The following ABCC4 variants were observed in gnomAD, a reference collection of about 807,000 sequenced individuals.
The protein encoded by ABCC4 is ATP binding cassette subfamily C member 4 (PEL blood group).
In ABCC4, 102 loss-of-function variants were observed where a neutral mutation model predicts 168.5. The observed-to-expected ratio is 0.61, with a 90% confidence interval of 0.52 to 0.71. The LOEUF (loss-of-function observed/expected upper bound fraction) is 0.71, where lower values mean the gene tolerates loss of function less well. Among genes scored for constraint, ABCC4 ranks in the 30% least tolerant of loss-of-function variants. The probability of loss-of-function intolerance (pLI) is 0.00; values close to 1 mark genes in which losing one functional copy is unlikely to be tolerated. For missense variants in ABCC4, 1,402 were observed against 1,605.8 expected (o/e 0.87, Z 2.17); for synonymous variants, 617 against 590.7 (o/e 1.04, Z -0.65).
chr13:95,100,249 T>C (rs1189077310), intron 20 of ABCC4, among the ~76,000 whole-genome samples: 1 of 152,194 alleles, frequency 6.6e-6, no homozygotes, highest in Non-Finnish European at 1.5e-5. Flanking sequence ...CCAGACTTGA[T>C]AAAAATGAGA....
intron 20 of ABCC4, among the ~76,000 whole-genome samples, chr13:95,107,150 G>A (rs375534202): frequency 2.0e-5 from 3 of 151,984 alleles, no homozygotes; most frequent in South Asian, 2.1e-4. Context: ...CCAGCTACCC[G>A]GGAGGCTGAG....
Position 95,112,080 on chromosome 13 carries a change from C to T in ABCC4, c.2535+3842G>A, listed in dbSNP as rs549008917. Among the ~76,000 whole-genome samples, 10 of 152,282 alleles carry T rather than the reference C, an allele frequency of 6.6e-5. No individual in the cohort carries two copies. The East Asian group carries it at 1.9e-3, about 29-fold the overall frequency. On this transcript the variant is annotated intron_variant, in intron 20 of 30. Transcript: ENST00000645237. ...TAAAAAGGTCACATGAGGCCAGGTG[C>T]AGTGGCTCATGCCTGTAATCCCACC... is the stretch of plus-strand genomic sequence containing the variant.
intron 19 of ABCC4, among the ~76,000 whole-genome samples, chr13:95,143,109 G>A (rs2036374327): frequency 6.6e-6 from 1 of 152,134 alleles, no homozygotes; most frequent in Admixed American, 6.6e-5. Context: ...AGGCTCACAA[G>A]CTCTGAGCCC....
intron 3 of ABCC4, among the ~76,000 whole-genome samples, chr13:95,245,501 C>T (rs1357428529): frequency 6.6e-6 from 1 of 152,196 alleles, no homozygotes; most frequent in Admixed American, 6.5e-5. Context: ...CATGTGGAAA[C>T]ACTATCGCTG....
At chr13:95,208,351 AGC>A (rs2038845290) in intron 6 of ABCC4, among the ~76,000 whole-genome samples, 1 of 142,672 alleles carries the variant, frequency 7.0e-6, no homozygotes, top group Non-Finnish European at 1.5e-5. Context: ...AAAAAAAAAA[AGC>A]TTCAGAGGAC....
At chr13:95,212,287 G>A (rs1398685925) in intron 4 of ABCC4, among the ~76,000 whole-genome samples, 2 of 152,034 alleles carry the variant, frequency 1.3e-5, no homozygotes, top group African/African-American at 4.8e-5. Context: ...AGAGAGACCA[G>A]CCCGCCCCTG....
At chr13:95,170,322 C>A in intron 14 of ABCC4, 1 of 427,318 alleles carries the variant, frequency 2.3e-6, no homozygotes. Context: ...TTTTCTTTAA[C>A]AATGTAGTAA....
At chr13:95,174,076 A>G (rs908152393) in intron 13 of ABCC4, among the ~76,000 whole-genome samples, 5 of 152,220 alleles carry the variant, frequency 3.3e-5, no homozygotes, top group African/African-American at 1.2e-4. Context: ...AGTGTGGGAG[A>G]TCTGATTAGG....
chr13:95,207,783 T>C lies in ABCC4; in HGVS notation c.911+17A>G, dbSNP rs906450606. On this transcript the variant is annotated intron_variant, in intron 7 of 30. Transcript: ENST00000645237. ...AGAAAAATACAAAAATATGGTACAATGTATACAAAAACTTACTTTCTCAAA... is the reference window on the plus strand; with the variant it reads ...AGAAAAATACAAAAATATGGTACAACGTATACAAAAACTTACTTTCTCAAA... The C allele has an allele frequency of 1.2e-5, 19 of 1,607,276 alleles. No individual in the cohort carries two copies. The highest frequency in any genetic ancestry group is 2.2e-5 in the East Asian group (1 of 44,854).
At chr13:95,068,730 A>T (rs2033630797) in intron 25 of ABCC4, among the ~76,000 whole-genome samples, 1 of 152,244 alleles carries the variant, frequency 6.6e-6, no homozygotes, top group South Asian at 2.1e-4. Context: ...GAACGATATC[A>T]ATGTGGGGAT....
Position 95,126,796 on chromosome 13 carries a change from T to TTATA in ABCC4, c.2456-10799_2456-10796dup, listed in dbSNP as rs1409364017. Among the ~76,000 whole-genome samples the TTATA allele has an allele frequency of 1.7e-3, 239 of 141,786 alleles. 3 individuals are homozygous for TTATA. Among genetic ancestry groups the TTATA allele is most frequent in the Non-Finnish European group, 3.3e-3 (218 of 65,916 alleles). The allele number at this position is 141,786 out of a possible 152,430, so 93.0% of individuals were successfully genotyped here. A position where few individuals can be genotyped will look rare whatever the true frequency, so the allele number is the denominator to read the frequency against. On this transcript the variant is annotated intron_variant, in intron 19 of 30. Coordinates refer to ENST00000645237, the MANE Select transcript of ABCC4 (RefSeq NM_005845.5). ...ATTTAAGTACACCAAATATATATAT[T>TTATA]TATATATATTTAAGTACACCATATA... is the stretch of plus-strand genomic sequence containing the variant.
At chr13:95,112,638 C>G (rs967446371) in intron 20 of ABCC4, among the ~76,000 whole-genome samples, 2 of 152,180 alleles carry the variant, frequency 1.3e-5, no homozygotes, top group African/African-American at 4.8e-5. Flanking sequence ...GTCGATCAGT[C>G]AGCTAGATAA....
chr13:95,104,783 G>A (rs2034941777), intron 20 of ABCC4, among the ~76,000 whole-genome samples: 1 of 152,202 alleles, frequency 6.6e-6, no homozygotes, highest in Non-Finnish European at 1.5e-5. Flanking sequence ...AGAGAATGGG[G>A]TCCGCCAGAG....
chr13:95,170,345 A>G, intron 14 of ABCC4, 187 bp downstream of exon 14: 1 of 462,512 alleles, frequency 2.2e-6, no homozygotes, highest in Non-Finnish European at 3.8e-6. Flanking sequence ...TTGAGGTAGC[A>G]ATTTTACATA....
At chr13:95,083,428 G>A (rs2034162193) in intron 20 of ABCC4, 138 bp from the exon 21 acceptor site, 1 of 1,011,006 alleles carries the variant, frequency 9.9e-7, no homozygotes, top group East Asian at 2.6e-5. Context: ...CCATACAAAG[G>A]AATAACAAAA....
chr13:95,167,006 A>G (rs922245936), intron 14 of ABCC4, among the ~76,000 whole-genome samples: 7 of 151,898 alleles, frequency 4.6e-5, no homozygotes, highest in Admixed American at 1.3e-4. Context: ...GGCCAACATG[A>G]TGAAACCCCA....
At chr13:95,276,414 CAAA>C (rs60996116) in intron 1 of ABCC4, among the ~76,000 whole-genome samples, 5 of 87,626 alleles carry the variant, frequency 5.7e-5, no homozygotes, top group Admixed American at 1.4e-4. Flanking sequence ...GACCCATCTC[CAAA>C]AAAAAAAAAA....
At chr13:95,189,007 C>A (rs1036390527) in intron 9 of ABCC4, among the ~76,000 whole-genome samples, 1 of 152,064 alleles carries the variant, frequency 6.6e-6, no homozygotes, top group African/African-American at 2.4e-5. Context: ...TTAAGCCCTG[C>A]ATGCATTATG....
At chr13:95,157,087 ACC>A (rs1491579136) in intron 19 of ABCC4, among the ~76,000 whole-genome samples, 3 of 87,680 alleles carry the variant, frequency 3.4e-5, no homozygotes, top group Non-Finnish European at 6.2e-5. Flanking sequence ...GTGAGACTCT[ACC>A]ACACACACAC....
Sources: allele counts gnomAD v4.1 joint callset (sites outside exome capture counted in the v4.1 genomes callset), GRCh38; gene constraint gnomAD v4.1.1; transcripts MANE v1.5; gene names NCBI Gene and HGNC (gene_info 2026-07-23, HGNC 2026-07-21).